Variants in MEOX2 observed in about 807,000 individuals in gnomAD.
MEOX2 encodes the protein homeobox protein MOX-2.
In MEOX2, 11 loss-of-function variants were observed where a neutral mutation model predicts 27.0. The ratio of observed to expected loss-of-function variants is 0.41; its 90% CI spans 0.26 to 0.68. The LOEUF is 0.68. MEOX2 is among the 30% of genes least tolerant of loss of function. The probability of loss-of-function intolerance (pLI) is 0.33; values close to 1 mark genes in which losing one functional copy is unlikely to be tolerated. For missense variants in MEOX2, 436 were observed against 385.4 expected (o/e 1.13, Z -1.10); for synonymous variants, 189 against 155.4 (o/e 1.22, Z -1.61).
intron 1 of MEOX2, chr7:15,677,365 A>G (rs962096047): frequency 3.3e-5 from 5 of 152,216 alleles, no homozygotes; most frequent in African/African-American, 1.2e-4. Flanking sequence ...ATTTGTGGCC[A>G]AGAGGTGACA....
At chr7:15,642,304 A>C (rs1325577314) in intron 1 of MEOX2, among the ~76,000 whole-genome samples, 1 of 152,064 alleles carries the variant, frequency 6.6e-6, no homozygotes, top group Non-Finnish European at 1.5e-5. Flanking sequence ...GTCTTTGTTC[A>C]TTTTTTAAAA....
At chr7:15,659,478 G>C (rs1366756499) in intron 1 of MEOX2, among the ~76,000 whole-genome samples, 1 of 152,028 alleles carries the variant, frequency 6.6e-6, no homozygotes, top group African/African-American at 2.4e-5. Flanking sequence ...AAAGCAAAGA[G>C]GGCCCGGCGC....
intron 1 of MEOX2, among the ~76,000 whole-genome samples, chr7:15,645,030 A>C (rs1781619917): frequency 6.6e-6 from 1 of 152,162 alleles, no homozygotes; most frequent in Non-Finnish European, 1.5e-5. Flanking sequence ...AATAGATAAC[A>C]ATCTCCTTAG....
intron 2 of MEOX2, among the ~76,000 whole-genome samples, chr7:15,625,257 A>G (rs77191126): frequency 1.3e-5 from 2 of 152,194 alleles, no homozygotes; most frequent in Non-Finnish European, 2.9e-5. Context: ...GTTTAAAAAA[A>G]ATAATAAAAT....
chr7:15,680,407 G>T (rs1008014158), intron 1 of MEOX2: 1 of 151,820 alleles, frequency 6.6e-6, no homozygotes, highest in Non-Finnish European at 1.5e-5. Flanking sequence ...TGCCTCTAAC[G>T]CAAATTGTAG....
intron 2 of MEOX2, among the ~76,000 whole-genome samples, chr7:15,613,730 C>T (rs190641716): frequency 1.8e-4 from 27 of 152,056 alleles, no homozygotes; most frequent in African/African-American, 5.1e-4. Flanking sequence ...AGGCTTTTTG[C>T]CACATCTTTG....
At chr7:15,629,824 C>T (rs1781373554) in intron 1 of MEOX2, among the ~76,000 whole-genome samples, 1 of 152,034 alleles carries the variant, frequency 6.6e-6, no homozygotes, top group African/African-American at 2.4e-5. Context: ...CCTAAGGCCT[C>T]TACTGCCATT....
intron 2 of MEOX2, among the ~76,000 whole-genome samples, chr7:15,618,895 C>G (rs574075001): frequency 7.2e-5 from 11 of 151,822 alleles, no homozygotes; most frequent in African/African-American, 2.7e-4. Flanking sequence ...AACTTCAAAA[C>G]CGTCAAAAAT....
rs1486225920 is a variant in MEOX2 at position 15,626,099 on chromosome 7, A to C, written c.690+647T>G. ...GCACCATTTGACTATTCTAGACATT[A>C]GTGTGTAAATAGAAGTGACATGGCT... On this transcript the variant is annotated intron_variant, in intron 2 of 2. Transcript: ENST00000262041. 2.0e-5 allele frequency among the ~76,000 whole-genome samples: 3 copies of C among 152,234 alleles called. No individual in the cohort carries two copies. The East Asian group carries it at 5.8e-4, about 29-fold the overall frequency.
rs1374143466 is a variant in MEOX2, at chr7:15,686,375, G to T, written c.28C>A (p.Arg10Ser). Reference sequence around the variant, plus strand: ...CCTTGCGCCGTGGCGTGAGGGCTGCGCAGGCAGCCAAAGAGCGGGTGTTCC... The same window carrying T: ...CCTTGCGCCGTGGCGTGAGGGCTGCTCAGGCAGCCAAAGAGCGGGTGTTCC... MEHPLFGCLRSPHATAQGLH... is the reference protein window; with the variant it reads MEHPLFGCLSSPHATAQGLH... The change falls in exon 1 of 3, where the codon CGC (arginine) becomes AGC (serine). Residue 10 changes from arginine (R) to serine (S), a missense_variant. Physicochemically the swap from Arg to Ser is moderately radical, Grantham distance 110. Coordinates refer to ENST00000262041, the MANE Select transcript of MEOX2 (RefSeq NM_005924.5). 1.3e-6 allele frequency: 2 copies of T among 1,583,560 alleles called. No individual in the cohort carries two copies. The highest frequency in any genetic ancestry group is 1.8e-5 in the Admixed American group (1 of 55,090).
chr7:15,618,606 G>A (rs567815712), intron 2 of MEOX2, among the ~76,000 whole-genome samples: 77 of 151,744 alleles, frequency 5.1e-4, no homozygotes, highest in African/African-American at 1.5e-3. Context: ...CTGAAACAAC[G>A]GAACTAATCC....
At chr7:15,673,593 C>T (rs1583789454) in intron 1 of MEOX2, among the ~76,000 whole-genome samples, 2 of 25,628 alleles carry the variant, frequency 7.8e-5, no homozygotes, top group Admixed American at 6.3e-4. Flanking sequence ...ATAAACAAGT[C>T]TATCAAAAAA....
intron 1 of MEOX2, among the ~76,000 whole-genome samples, chr7:15,645,382 A>C (rs995456175): frequency 2.6e-5 from 4 of 152,358 alleles, no homozygotes; most frequent in Admixed American, 6.5e-5. Context: ...AATCTAAAGC[A>C]TTGAGAAAAG....
At chr7:15,675,960 A>C (rs1298762119) in intron 1 of MEOX2, 3 of 152,196 alleles carry the variant, frequency 2.0e-5, no homozygotes, top group Non-Finnish European at 4.4e-5. Context: ...AAATGCTTAA[A>C]AAGTTAACTC....
chr7:15,611,597 C>G lies in MEOX2; in HGVS notation c.*790G>C, dbSNP rs1348544600. ...AAGTTTTATAATAACGTATTAGCAG[C>G]AGTTGATAGTAAATGCAACATAAGA... On this transcript the variant is annotated 3_prime_UTR_variant, in exon 3 of 3. Transcript: ENST00000262041. 1 of 152,582 alleles carries G rather than the reference C, an allele frequency of 6.6e-6. No individual in the cohort carries two copies. The highest frequency in any genetic ancestry group is 1.5e-5 in the Non-Finnish European group (1 of 68,034). The allele number at this position is 152,582 out of a possible 1,614,324, so 9.5% of individuals were successfully genotyped here.
intron 1 of MEOX2, among the ~76,000 whole-genome samples, chr7:15,670,593 T>G (rs1782078997): frequency 6.6e-6 from 1 of 152,254 alleles, no homozygotes; most frequent in African/African-American, 2.4e-5. Flanking sequence ...TATTGAGTAC[T>G]TGGAACGTGC....
At chr7:15,664,069 C>T (rs1032889281) in intron 1 of MEOX2, among the ~76,000 whole-genome samples, 5 of 152,042 alleles carry the variant, frequency 3.3e-5, no homozygotes, top group Non-Finnish European at 5.9e-5. Context: ...TTTCTTTTAG[C>T]ATCATGATTG....
At position 15,672,620 on chromosome 7, in the gene MEOX2, C is replaced by T. The variant is rs188598887; in HGVS notation, c.517+13266G>A. ...GTATCCGTAAATATTGGGCAGGTCG[C>T]GGTGGCTCACACCCATAATCCCAAC... On this transcript the variant is annotated intron_variant, in intron 1 of 2. Transcript: ENST00000262041. Among the ~76,000 whole-genome samples the T allele has an allele frequency of 2.7e-3, 417 of 152,146 alleles. 1 individual carries two copies. Among genetic ancestry groups the T allele is most frequent in the African/African-American group, 9.4e-3 (389 of 41,500 alleles).
chr7:15,662,210 A>G (rs1781929194), intron 1 of MEOX2, among the ~76,000 whole-genome samples: 1 of 151,900 alleles, frequency 6.6e-6, no homozygotes. Context: ...GTCAAAGTCC[A>G]TTATCTAGAG....
Sources: gnomAD v4.1 joint callset for allele counts (sites outside exome capture counted in the v4.1 genomes callset) on GRCh38, gnomAD v4.1.1 for gene constraint, MANE v1.5 for transcripts, NCBI Gene and HGNC (gene_info 2026-07-23, HGNC 2026-07-21) for gene names.